SEPTIN2: variants seen among roughly 807,000 people sequenced by gnomAD.
SEPTIN2 encodes septin 2.
Under a neutral mutation model 46.5 loss-of-function variants are expected in SEPTIN2, and 34 were observed. The ratio of observed to expected loss-of-function variants is 0.73; its 90% CI spans 0.56 to 0.97. The LOEUF (loss-of-function observed/expected upper bound fraction) is 0.97, where lower values mean the gene tolerates loss of function less well. SEPTIN2 is among the 50% of genes least tolerant of loss of function. SEPTIN2 has a pLI of 0.00. For missense variants in SEPTIN2, 347 were observed against 448.4 expected, an observed-to-expected ratio of 0.77 and a Z score of 2.04; for synonymous variants, 175 against 153.4, an observed-to-expected ratio of 1.14 and a Z score of -1.04.
At chr2:241,326,883 G>A (rs532379068) in intron 3 of SEPTIN2, among the ~76,000 whole-genome samples, 2 of 152,064 alleles carry the variant, frequency 1.3e-5, no homozygotes, top group South Asian at 4.2e-4. Context: ...AGATCAGGCT[G>A]GGCAACATGG....
chr2:241,317,415 C>G (rs1464850911), intron 1 of SEPTIN2: 1 of 357,252 alleles, frequency 2.8e-6, no homozygotes, highest in Non-Finnish European at 3.9e-6. Flanking sequence ...CTTAAACTAG[C>G]AAGGTGACCT....
chr2:241,339,684 G>C (rs902603909), intron 7 of SEPTIN2, among the ~76,000 whole-genome samples: 3 of 151,958 alleles, frequency 2.0e-5, no homozygotes, highest in African/African-American at 7.3e-5. Flanking sequence ...CAAATTTACT[G>C]TTTCTTTGCC....
rs2080861909 is a variant in SEPTIN2 at position 241,339,006 on chromosome 2, ATTATAT to A, written c.594+1222_594+1227del. The stretch of plus-strand genomic sequence containing the variant: ...AATATATTTATAAATATATATAAAT[ATTATAT>A]TTATACATTATATTTATATACATAT... On this transcript the variant is annotated intron_variant, in intron 7 of 12. Coordinates refer to ENST00000391971, the MANE Select transcript of SEPTIN2 (RefSeq NM_004404.5). Among the ~76,000 whole-genome samples the A allele has an allele frequency of 1.7e-5, 2 of 115,258 alleles. 1 individual carries two copies. The highest frequency in any genetic ancestry group is 4.6e-4 in the South Asian group (2 of 4,360). The allele number at this position is 115,258 out of a possible 152,430, so 75.6% of individuals were successfully genotyped here.
At chr2:241,341,804 C>T (rs2081290595) in intron 7 of SEPTIN2, among the ~76,000 whole-genome samples, 1 of 152,204 alleles carries the variant, frequency 6.6e-6, no homozygotes, top group African/African-American at 2.4e-5. Flanking sequence ...TTTCTGCTCA[C>T]GTTGCTCTTG....
chr2:241,343,826 C>A lies in SEPTIN2; in HGVS notation c.771C>A (p.Leu257=). The change falls in exon 9 of 13, where the codon CTC becomes CTA. Residue 257 remains leucine, a synonymous_variant. Coordinates refer to ENST00000391971, the MANE Select transcript of SEPTIN2 (RefSeq NM_004404.5). ...EAKGKKVRGR[L]YPWGVVEVEN... is the part of the protein sequence containing the mutation. The stretch of plus-strand genomic sequence containing the variant: ...AAGGAAAGAAGGTCAGAGGCCGCCT[C>A]TACCCCTGGGGTGTTGTGGAAGTGG... 1 of 1,614,244 alleles carries A rather than the reference C, an allele frequency of 6.2e-7. No individual in the cohort carries two copies. The highest frequency in any genetic ancestry group is 8.5e-7 in the Non-Finnish European group (1 of 1,180,032).
At chr2:241,317,492 A>G (rs1559580932) in intron 1 of SEPTIN2, 1 of 979,872 alleles carries the variant, frequency 1.0e-6, no homozygotes, top group African/African-American at 1.8e-5. Flanking sequence ...TTTATCCCCA[A>G]TACCAGCATA....
intron 1 of SEPTIN2, chr2:241,316,770 C>T: frequency 4.9e-6 from 2 of 412,362 alleles, no homozygotes; most frequent in Admixed American, 4.4e-5. Flanking sequence ...AACACACGAA[C>T]CAACTACACT....
chr2:241,353,545 A>G lies in SEPTIN2; in HGVS notation c.*1608A>G, dbSNP rs2060927643. 1 of 152,206 alleles carries G rather than the reference A, an allele frequency of 6.6e-6. No homozygotes were observed. Among genetic ancestry groups the G allele is most frequent in the Non-Finnish European group, 1.5e-5 (1 of 68,032 alleles). 9.4% of individuals were successfully genotyped at this position (152,206 alleles called of 1,614,324 possible). On this transcript the variant is annotated 3_prime_UTR_variant, in exon 13 of 13. Transcript: ENST00000391971. ...TTAATGAAGGTGTGCTACAGAAAATAATCTGGTGTTCTTGCTAACTTTGCC... is the reference window on the plus strand; with the variant it reads ...TTAATGAAGGTGTGCTACAGAAAATGATCTGGTGTTCTTGCTAACTTTGCC...
At chr2:241,338,550 G>C (rs1369483267) in intron 7 of SEPTIN2, among the ~76,000 whole-genome samples, 1 of 143,376 alleles carries the variant, frequency 7.0e-6, no homozygotes, top group African/African-American at 2.6e-5. Context: ...AGAAGTTGGA[G>C]GCCAACCTCA....
rs761097928 is a variant in SEPTIN2, at chr2:241,325,978, T to C, written c.10-15T>C. ...AAGGTGTTTATTAGTTTGTTTGTTT[T>C]TTAATCTTATTTAGCAACAGCCAAC... is the stretch of plus-strand genomic sequence containing the variant. On this transcript the variant is annotated splice_polypyrimidine_tract_variant and intron_variant, in intron 2 of 12. Coordinates refer to ENST00000391971, the MANE Select transcript of SEPTIN2 (RefSeq NM_004404.5). The C allele has an allele frequency of 1.2e-6, 2 of 1,607,946 alleles. No homozygotes were observed. The highest frequency in any genetic ancestry group is 2.7e-5 in the African/African-American group (2 of 74,482).
intron 1 of SEPTIN2, chr2:241,320,377 T>C (rs2076960431): frequency 2.2e-6 from 1 of 452,520 alleles, no homozygotes; most frequent in African/African-American, 2.0e-5. Context: ...GTGCCCATTT[T>C]TTCTGCATTT....
intron 3 of SEPTIN2, among the ~76,000 whole-genome samples, chr2:241,328,110 TAAGAG>T (rs1373933660): frequency 2.0e-5 from 3 of 151,864 alleles, no homozygotes; most frequent in Admixed American, 6.6e-5. Context: ...GGATTGAAGA[TAAGAG>T]GAGTGACCAC....
intron 7 of SEPTIN2, 104 bp from the exon 8 acceptor site, chr2:241,342,888 A>C: frequency 3.0e-6 from 2 of 663,436 alleles, no homozygotes; most frequent in Non-Finnish European, 5.4e-6. Flanking sequence ...TTGATTATTG[A>C]CATTTGTATG....
intron 1 of SEPTIN2, among the ~76,000 whole-genome samples, chr2:241,322,586 A>G (rs1409306735): frequency 2.0e-5 from 3 of 151,676 alleles, no homozygotes; most frequent in Non-Finnish European, 4.4e-5. Context: ...AGCCCGGGAG[A>G]CAATGCGAGA....
chr2:241,327,027 C>T (rs1355579584), intron 3 of SEPTIN2, among the ~76,000 whole-genome samples: 3 of 120,694 alleles, frequency 2.5e-5, no homozygotes, highest in Admixed American at 2.2e-4. Flanking sequence ...AAGCCTCAAG[C>T]CTGGGTGAAT....
chr2:241,350,464 G>T (rs2060686425), intron 12 of SEPTIN2, among the ~76,000 whole-genome samples: 1 of 151,366 alleles, frequency 6.6e-6, no homozygotes, highest in African/African-American at 2.4e-5. Context: ...GGGTACATTT[G>T]CAGGTTATTT....
At chr2:241,341,587 A>G (rs145352232) in intron 7 of SEPTIN2, among the ~76,000 whole-genome samples, 2 of 152,340 alleles carry the variant, frequency 1.3e-5, no homozygotes, top group East Asian at 3.9e-4. Flanking sequence ...CCTCCCATTT[A>G]GGAATAAGGA....
intron 7 of SEPTIN2, among the ~76,000 whole-genome samples, chr2:241,338,844 T>TAA (rs2080720944): frequency 1.0e-5 from 1 of 97,454 alleles, no homozygotes; most frequent in African/African-American, 4.8e-5. Flanking sequence ...ATATAATAAA[T>TAA]ATATAATATA....
chr2:241,323,174 A>ATT (rs1189964295), intron 1 of SEPTIN2, among the ~76,000 whole-genome samples: 7,351 of 140,630 alleles, frequency 0.052, 251 homozygotes, highest in Non-Finnish European at 0.08. Context: ...CCACCATCTA[A>ATT]TTTTTTTTTT....
Sources: allele counts gnomAD v4.1 joint callset (sites outside exome capture counted in the v4.1 genomes callset), GRCh38; gene constraint gnomAD v4.1.1; transcripts MANE v1.5; gene names NCBI Gene and HGNC (gene_info 2026-07-23, HGNC 2026-07-21).